Variants in DLC1 observed in about 807,000 individuals in gnomAD.
DLC1 encodes rho GTPase-activating protein 7.
In DLC1, 54 loss-of-function variants were observed where a neutral mutation model predicts 140.3. The ratio of observed to expected loss-of-function variants is 0.38; its 90% CI spans 0.31 to 0.48. The LOEUF is 0.48. Ranked by LOEUF, DLC1 falls within the 20% of genes least tolerant of loss-of-function variation. DLC1 has a pLI of 0.96. For missense variants in DLC1, 2,536 were observed against 1,907.0 expected, an observed-to-expected ratio of 1.33 and a Z score of -6.14; for synonymous variants, 986 against 728.1, an observed-to-expected ratio of 1.35 and a Z score of -5.70.
At chr8:13,593,601 G>T (rs1163006301) in intron 1 of DLC1, among the ~76,000 whole-genome samples, 6 of 152,076 alleles carry the variant, frequency 3.9e-5, no homozygotes. Flanking sequence ...AACCTTTGTT[G>T]TATTGAGTCA....
chr8:13,140,052 C>T (rs916811941), intron 5 of DLC1, among the ~76,000 whole-genome samples: 3 of 152,282 alleles, frequency 2.0e-5, no homozygotes, highest in Non-Finnish European at 4.4e-5. Flanking sequence ...ATAAACTCCT[C>T]TTTCTCCCCT....
rs1461616416 is a variant in DLC1 at position 13,582,878 on chromosome 8, C to CCATATATATATATATATATA, written c.-126+21658_-126+21659insTATATATATATATATATATG. 7.8e-5 allele frequency among the ~76,000 whole-genome samples: 8 copies of CCATATATATATATATATATA among 103,094 alleles called. 1 individual carries two copies. The highest frequency in any genetic ancestry group is 3.4e-4 in the East Asian group (1 of 2,964). 67.6% of individuals were successfully genotyped at this position (103,094 alleles called of 152,430 possible). A position where few individuals can be genotyped will look rare whatever the true frequency, so the allele number is the denominator to read the frequency against. ...AGTTATGTTTACAATATACTGTGGT[C>CCATATATATATATATATATA]TATATATATATATATATATATATAT... On this transcript the variant is annotated intron_variant, in intron 1 of 1. Coordinates refer to the DLC1 transcript ENST00000631382.
chr8:13,415,242 TCA>T (rs774454796), intron 2 of DLC1, among the ~76,000 whole-genome samples: 13 of 152,180 alleles, frequency 8.5e-5, no homozygotes, highest in Non-Finnish European at 1.3e-4. Context: ...ATTAAATAAA[TCA>T]CTATTTGCTA....
intron 9 of DLC1, among the ~76,000 whole-genome samples, chr8:13,099,048 T>C (rs1053024096): frequency 2.4e-5 from 3 of 127,156 alleles, no homozygotes; most frequent in Admixed American, 7.8e-5. Flanking sequence ...CAATATAAAG[T>C]GCACCATTTT....
chr8:13,527,183 A>C (rs1308717385), intron 1 of DLC1, among the ~76,000 whole-genome samples: 1 of 152,212 alleles, frequency 6.6e-6, no homozygotes, highest in Non-Finnish European at 1.5e-5. Flanking sequence ...CTACATTACA[A>C]TGTTGAACAA....
At chr8:13,136,899 T>C (rs548551221) in intron 5 of DLC1, among the ~76,000 whole-genome samples, 12 of 152,316 alleles carry the variant, frequency 7.9e-5, no homozygotes, top group Non-Finnish European at 1.8e-4. Flanking sequence ...AAAACTTCAG[T>C]TTCATCTTTA....
At position 13,276,598 on chromosome 8, in the gene DLC1, A is replaced by C; in HGVS notation, c.1348+28671T>G. 3 of 1,255,882 alleles carry C rather than the reference A, an allele frequency of 2.4e-6. No individual in the cohort carries two copies. The South Asian group carries it at 9.1e-5, about 38-fold the overall frequency. 77.8% of individuals were successfully genotyped at this position (1,255,882 alleles called of 1,614,324 possible). A position where few individuals can be genotyped will look rare whatever the true frequency, so the allele number is the denominator to read the frequency against. ...AGCGCGCGCGGCGGCCACATCTGGA[A>C]AGACTTACCCTGCGCCGGCGACACC... is the stretch of plus-strand genomic sequence containing the variant. On this transcript the variant is annotated intron_variant, in intron 5 of 17. Transcript: ENST00000276297.
chr8:13,552,749 G>A (rs907048588), intron 1 of DLC1, among the ~76,000 whole-genome samples: 3 of 151,810 alleles, frequency 2.0e-5, no homozygotes, highest in Non-Finnish European at 4.4e-5. Flanking sequence ...GCAAGAAAAT[G>A]AGACTGAACT....
At chr8:13,589,960 C>T (rs1404354039) in intron 1 of DLC1, among the ~76,000 whole-genome samples, 1 of 151,530 alleles carries the variant, frequency 6.6e-6, no homozygotes, top group Admixed American at 6.6e-5. Context: ...TATTATTGTT[C>T]TTCTTAGTAT....
At chr8:13,485,694 A>C (rs1465019743) in intron 2 of DLC1, among the ~76,000 whole-genome samples, 1 of 152,214 alleles carries the variant, frequency 6.6e-6, no homozygotes, top group East Asian at 1.9e-4. Flanking sequence ...TAACCCACAC[A>C]ACTATTGTTC....
At chr8:13,306,846 G>C (rs1198393005) in intron 4 of DLC1, among the ~76,000 whole-genome samples, 1 of 151,854 alleles carries the variant, frequency 6.6e-6, no homozygotes, top group Non-Finnish European at 1.5e-5. Flanking sequence ...CACTTTGGGA[G>C]GCCGAGGCGG....
chr8:13,387,087 C>T (rs1035541920), intron 4 of DLC1, among the ~76,000 whole-genome samples: 6 of 151,978 alleles, frequency 3.9e-5, no homozygotes, highest in African/African-American at 1.2e-4. Flanking sequence ...GTTGTCTAAA[C>T]TTCCCTTAAA....
At position 13,276,389 on chromosome 8, in the gene DLC1, G is replaced by A. The variant is rs1047252772; in HGVS notation, c.1348+28880C>T. On this transcript the variant is annotated intron_variant, in intron 5 of 17. Transcript: ENST00000276297. ...GGGGGCGCGCCATCACGTGGGCCTT[G>A]GGGTCCCCCATCCGCTCGCAGACGC... 24 of 1,499,532 alleles carry A rather than the reference G, an allele frequency of 1.6e-5. No individual in the cohort carries two copies. In the African/African-American group the frequency reaches 3.3e-4, roughly 20 times the overall value. The allele number at this position is 1,499,532 out of a possible 1,614,324, so 92.9% of individuals were successfully genotyped here.
chr8:13,223,149 C>T (rs373929004), intron 5 of DLC1, among the ~76,000 whole-genome samples: 3 of 152,020 alleles, frequency 2.0e-5, no homozygotes, highest in South Asian at 2.1e-4. Flanking sequence ...CTTTGCCAAA[C>T]GGAGAGAGTA....
At chr8:13,533,569 G>T (rs919572769) in intron 1 of DLC1, among the ~76,000 whole-genome samples, 1 of 152,144 alleles carries the variant, frequency 6.6e-6, no homozygotes, top group Non-Finnish European at 1.5e-5. Context: ...AATTTTTCTG[G>T]ACGAGGAAGT....
chr8:13,217,774 A>G (rs954331300), intron 5 of DLC1, among the ~76,000 whole-genome samples: 22 of 151,518 alleles, frequency 1.5e-4, no homozygotes, highest in African/African-American at 5.1e-4. Context: ...GGAGGCAGAG[A>G]TTGCGGTGAG....
intron 4 of DLC1, among the ~76,000 whole-genome samples, chr8:13,306,228 C>A (rs1362357798): frequency 6.6e-6 from 1 of 152,156 alleles, no homozygotes; most frequent in Non-Finnish European, 1.5e-5. Context: ...CAATCCCCAG[C>A]ATTTATCACT....
chr8:13,212,442 T>C (rs984620418), intron 5 of DLC1, among the ~76,000 whole-genome samples: 2 of 152,228 alleles, frequency 1.3e-5, no homozygotes, highest in African/African-American at 4.8e-5. Flanking sequence ...GCTATGTCTC[T>C]AGTGCTTAGC....
chr8:13,422,448 A>T (rs1456034728), intron 2 of DLC1, among the ~76,000 whole-genome samples: 1 of 151,940 alleles, frequency 6.6e-6, no homozygotes, highest in African/African-American at 2.4e-5. Context: ...ATAATATAGT[A>T]ATATTAATAA....
Sources: gnomAD v4.1 joint callset for allele counts (sites outside exome capture counted in the v4.1 genomes callset) on GRCh38, gnomAD v4.1.1 for gene constraint, MANE v1.5 for transcripts, NCBI Gene and HGNC (gene_info 2026-07-23, HGNC 2026-07-21) for gene names.